The following SLC35F3 variants were observed in gnomAD, a reference collection of about 807,000 sequenced individuals.
SLC35F3 encodes the protein solute carrier family 35 member F3, also known as putative thiamine transporter SLC35F3.
In SLC35F3, 25 loss-of-function variants were observed where a neutral mutation model predicts 49.9. The ratio of observed to expected loss-of-function variants is 0.50; its 90% CI spans 0.37 to 0.70. The LOEUF (loss-of-function observed/expected upper bound fraction) is 0.70, where lower values mean the gene tolerates loss of function less well. Ranked by LOEUF, SLC35F3 falls within the 30% of genes least tolerant of loss-of-function variation. The probability of loss-of-function intolerance (pLI) is 0.00; values close to 1 mark genes in which losing one functional copy is unlikely to be tolerated. For missense variants in SLC35F3, 525 were observed against 639.8 expected (o/e 0.82, Z 1.94); for synonymous variants, 275 against 265.4 (o/e 1.04, Z -0.35).
intron 2 of SLC35F3, among the ~76,000 whole-genome samples, chr1:234,151,406 G>T (rs529168413): frequency 4.6e-5 from 7 of 151,942 alleles, no homozygotes; most frequent in African/African-American, 1.7e-4. Flanking sequence ...GTTATTATAA[G>T]AAAAAGGAAC....
chr1:234,240,630 A>G (rs978045856), intron 3 of SLC35F3, among the ~76,000 whole-genome samples: 2 of 152,060 alleles, frequency 1.3e-5, no homozygotes, highest in Admixed American at 6.5e-5. Flanking sequence ...AAAGCCAAAT[A>G]TGTATATATA....
chr1:234,047,329 C>T (rs1664305809), intron 2 of SLC35F3, among the ~76,000 whole-genome samples: 1 of 152,020 alleles, frequency 6.6e-6, no homozygotes, highest in Admixed American at 6.5e-5. Flanking sequence ...GATGAGATTA[C>T]CATTTGACTT....
chr1:234,055,903 A>G (rs929648750), intron 2 of SLC35F3, among the ~76,000 whole-genome samples: 1 of 152,186 alleles, frequency 6.6e-6, no homozygotes, highest in Non-Finnish European at 1.5e-5. Flanking sequence ...ATAATTGGAT[A>G]TTACCAGCTC....
intron 2 of SLC35F3, among the ~76,000 whole-genome samples, chr1:233,966,602 T>G (rs1662910016): frequency 6.6e-6 from 1 of 152,158 alleles, no homozygotes; most frequent in Admixed American, 6.5e-5. Flanking sequence ...CCAGCTAAAT[T>G]GCCAACTCCA....
At chr1:233,926,448 T>C (rs1662161908) in intron 2 of SLC35F3, among the ~76,000 whole-genome samples, 1 of 152,220 alleles carries the variant, frequency 6.6e-6, no homozygotes, top group Non-Finnish European at 1.5e-5. Context: ...TTTGCAAGCG[T>C]CACATAGTTC....
intron 2 of SLC35F3, among the ~76,000 whole-genome samples, chr1:233,991,463 TAAAG>T (rs1366899652): frequency 1.3e-5 from 2 of 151,384 alleles, no homozygotes; most frequent in African/African-American, 4.9e-5. Context: ...AAAAGAAAAA[TAAAG>T]AAAAAAGAAA....
At chr1:233,990,617 C>T (rs1572010954) in intron 2 of SLC35F3, among the ~76,000 whole-genome samples, 2 of 152,026 alleles carry the variant, frequency 1.3e-5, no homozygotes, top group South Asian at 2.1e-4. Flanking sequence ...TAGGTATTCT[C>T]GCCATACACA....
chr1:234,323,204 G>A lies in SLC35F3; in HGVS notation c.1434G>A (p.Gln478=). 6.2e-7 allele frequency: 1 copy of A among 1,614,128 alleles called. No homozygotes were observed. The highest frequency in any genetic ancestry group is 8.5e-7 in the Non-Finnish European group (1 of 1,180,018). The change falls in exon 8 of 8, where the codon CAG becomes CAA. Residue 478 remains glutamine (Q), a synonymous_variant. Coordinates refer to ENST00000366618, the MANE Select transcript of SLC35F3 (RefSeq NM_173508.4). This position sits in a 1 kb window ranked among gnomAD's most constrained non-coding sequence, Gnocchi z 4.5. ...CTGCCGACCTGAGCTCAGGACCTCA[G>A]AGCAAGAACAGAAGAGCCCGCCCTT... The part of the protein sequence containing the change: ...EGAADLSSGP[Q]SKNRRARPSF...
At chr1:233,935,967 A>G (rs549413620) in intron 2 of SLC35F3, among the ~76,000 whole-genome samples, 16 of 152,342 alleles carry the variant, frequency 1.1e-4, no homozygotes, top group Non-Finnish European at 1.8e-4. Flanking sequence ...TTTGCCTTTC[A>G]ACAACCTCAG....
At chr1:234,118,913 A>G (rs72758221) in intron 2 of SLC35F3, among the ~76,000 whole-genome samples, 26,088 of 148,228 alleles carry the variant, frequency 0.18, 2,889 homozygotes, top group Middle Eastern at 0.29. Flanking sequence ...AACCTCTTGC[A>G]CTACCTGAAT....
In SLC35F3 at chr1:233,974,303, G is replaced by A. The variant is rs545632374; in HGVS notation, c.283+68545G>A. 4.6e-4 allele frequency among the ~76,000 whole-genome samples: 65 copies of A among 141,800 alleles called. No individual in the cohort carries two copies. In the South Asian group the frequency reaches 9.6e-3, roughly 21 times the overall value. The allele number at this position is 141,800 out of a possible 152,430, so 93.0% of individuals were successfully genotyped here. ...GGGTTCAAGCAATTCTCCTTCCTCC[G>A]CCTCCTGAGTAGCTGGGATTACAGG... is the stretch of plus-strand genomic sequence containing the variant. On this transcript the variant is annotated intron_variant, in intron 2 of 7. Coordinates refer to ENST00000366618, the MANE Select transcript of SLC35F3 (RefSeq NM_173508.4).
At chr1:234,090,447 G>T (rs186303882) in intron 2 of SLC35F3, among the ~76,000 whole-genome samples, 1 of 152,342 alleles carries the variant, frequency 6.6e-6, no homozygotes, top group East Asian at 1.9e-4. Flanking sequence ...TATTCACAAG[G>T]CTGCAGAGCA....
chr1:233,984,040 C>G (rs1417751882), intron 2 of SLC35F3, among the ~76,000 whole-genome samples: 2 of 152,216 alleles, frequency 1.3e-5, no homozygotes, highest in African/African-American at 2.4e-5. Context: ...TCCCTCCTCT[C>G]TGGCCTTGTT....
At chr1:234,071,343 T>C (rs1053176387) in intron 2 of SLC35F3, among the ~76,000 whole-genome samples, 1 of 152,204 alleles carries the variant, frequency 6.6e-6, no homozygotes, top group Non-Finnish European at 1.5e-5. Flanking sequence ...TCCATCATCA[T>C]GGTGCTTCTT....
At chr1:234,288,761 G>A (rs1466941273) in intron 3 of SLC35F3, among the ~76,000 whole-genome samples, 3 of 152,178 alleles carry the variant, frequency 2.0e-5, no homozygotes, top group African/African-American at 7.2e-5. Context: ...TCTAGAAGAT[G>A]CATATGGCTC....
chr1:234,037,967 T>A (rs556025308), intron 2 of SLC35F3, among the ~76,000 whole-genome samples: 1 of 152,240 alleles, frequency 6.6e-6, no homozygotes, highest in South Asian at 2.1e-4. Flanking sequence ...TCTTTTCTTT[T>A]TTATTATTAT....
intron 2 of SLC35F3, among the ~76,000 whole-genome samples, chr1:234,029,889 A>G (rs1263938727): frequency 1.3e-5 from 2 of 152,158 alleles, no homozygotes; most frequent in Non-Finnish European, 2.9e-5. Context: ...AAAAGTTAAA[A>G]AAATAAGGAT....
chr1:234,189,092 C>T (rs917617012), intron 2 of SLC35F3, among the ~76,000 whole-genome samples: 1 of 152,030 alleles, frequency 6.6e-6, no homozygotes, highest in African/African-American at 2.4e-5. Flanking sequence ...TCTGACATAG[C>T]CTACCCAAAT....
chr1:234,280,887 C>T (rs568228416), intron 3 of SLC35F3, among the ~76,000 whole-genome samples: 4 of 152,304 alleles, frequency 2.6e-5, no homozygotes, highest in African/African-American at 9.6e-5. Flanking sequence ...CTGGCTTACT[C>T]ACTACTCTGC....
Sources: allele counts gnomAD v4.1 joint callset (sites outside exome capture counted in the v4.1 genomes callset), GRCh38; gene constraint gnomAD v4.1.1; non-coding constraint Gnocchi (gnomAD v3.1); transcripts MANE v1.5; gene names NCBI Gene and HGNC (gene_info 2026-07-23, HGNC 2026-07-21).